The following CENPP variants were observed in gnomAD, a reference collection of about 807,000 sequenced individuals.
CENPP encodes the protein centromere protein P.
CENPP carries 24 observed loss-of-function variants against 35.6 expected under a neutral mutation model. The observed-to-expected ratio is 0.67, with a 90% CI of 0.49 to 0.95. The LOEUF (loss-of-function observed/expected upper bound fraction) is 0.95. Ranked by LOEUF, CENPP falls within the 40% of genes least tolerant of loss-of-function variation. CENPP has a pLI of 0.00. For missense variants in CENPP, 332 were observed against 345.3 expected (o/e 0.96, Z 0.31); for synonymous variants, 120 against 125.5 (o/e 0.96, Z 0.29).
At chr9:92,389,880 T>C in intron 5 of CENPP, 1 of 1,612,394 alleles carries the variant, frequency 6.2e-7, no homozygotes, top group Non-Finnish European at 8.5e-7. Flanking sequence ...TTGATTCCCC[T>C]ACTCTTGATT....
chr9:92,489,555 A>G (rs1009663218), intron 5 of CENPP, among the ~76,000 whole-genome samples: 4 of 152,194 alleles, frequency 2.6e-5, no homozygotes, highest in Non-Finnish European at 4.4e-5. Context: ...TAGGTATTAT[A>G]AGTAATCACA....
At chr9:92,441,158 GTTAC>G (rs778613815) in intron 5 of CENPP, among the ~76,000 whole-genome samples, 8 of 152,170 alleles carry the variant, frequency 5.3e-5, no homozygotes, top group South Asian at 2.1e-4. Flanking sequence ...ACTTTTGGAT[GTTAC>G]TTACATGGTA....
In CENPP at chr9:92,616,406, G is replaced by A. The variant is rs776176754; in HGVS notation, c.*3257G>A. 3.9e-5 allele frequency: 8 copies of A among 205,284 alleles called. No homozygotes were observed. The highest frequency in any genetic ancestry group is 1.6e-4 in the Admixed American group (3 of 18,682). 12.7% of individuals were successfully genotyped at this position (205,284 alleles called of 1,614,324 possible). On this transcript the variant is annotated 3_prime_UTR_variant, in exon 8 of 8. Transcript: ENST00000375587. ...AAGTAATTATGTGGAACATGTGAGC[G>A]ATGTTCCCCCAGCCCAGTGGTATAA... is the stretch of plus-strand genomic sequence containing the variant.
intron 5 of CENPP, among the ~76,000 whole-genome samples, chr9:92,567,650 A>G (rs1388293153): frequency 2.6e-5 from 4 of 152,106 alleles, no homozygotes; most frequent in African/African-American, 7.2e-5. Flanking sequence ...TTAAGAAACT[A>G]ATGTATTTCA....
chr9:92,325,851 G>A, upstream of CENPP: 1 of 600,754 alleles, frequency 1.7e-6, no homozygotes, highest in South Asian at 2.0e-5. Flanking sequence ...CAGGGCCGCT[G>A]GGGTCACGCG....
intron 5 of CENPP, chr9:92,496,485 TA>T (rs781707571): frequency 6.2e-7 from 1 of 1,606,770 alleles, no homozygotes; most frequent in Non-Finnish European, 8.5e-7. Flanking sequence ...AGAATGTTCC[TA>T]AGGAAAAATA....
chr9:92,552,057 TATATGTGATATGATAGATCTATC>T (rs1849616842), intron 5 of CENPP, among the ~76,000 whole-genome samples: 2 of 135,214 alleles, frequency 1.5e-5, no homozygotes, highest in African/African-American at 6.1e-5. Context: ...AGGTCTATCA[TATATGTGATATGATAGATCTATC>T]ATATATGTGA....
chr9:92,601,677 A>G (rs559072901), intron 5 of CENPP, among the ~76,000 whole-genome samples: 2 of 152,306 alleles, frequency 1.3e-5, no homozygotes, highest in East Asian at 3.9e-4. Context: ...GTGCCCACAG[A>G]GGAGTGGGCT....
intron 5 of CENPP, among the ~76,000 whole-genome samples, chr9:92,443,958 C>T (rs2398751): frequency 0.42 from 63,277 of 151,914 alleles, 15,770 homozygotes; most frequent in East Asian, 0.8. Flanking sequence ...CCACTGTGCC[C>T]GGCCACAAAA....
chr9:92,429,773 A>G (rs918000239), intron 5 of CENPP, among the ~76,000 whole-genome samples: 3 of 148,694 alleles, frequency 2.0e-5, no homozygotes, highest in Non-Finnish European at 4.4e-5. Context: ...GGTGACAAGA[A>G]CGAAACTCCG....
chr9:92,432,433 C>T (rs1312042389), intron 5 of CENPP, among the ~76,000 whole-genome samples: 1 of 152,126 alleles, frequency 6.6e-6, no homozygotes, highest in African/African-American at 2.4e-5. Flanking sequence ...AGTATCTAGA[C>T]AGCTGGACTA....
intron 5 of CENPP, among the ~76,000 whole-genome samples, chr9:92,604,770 T>G (rs761981709): frequency 6.6e-6 from 1 of 152,000 alleles, no homozygotes; most frequent in East Asian, 1.9e-4. Flanking sequence ...AATTTTTGTA[T>G]TATTAGTAGA....
intron 5 of CENPP, among the ~76,000 whole-genome samples, chr9:92,468,639 A>G (rs1845401067): frequency 6.6e-6 from 1 of 152,246 alleles, no homozygotes; most frequent in Admixed American, 6.5e-5. Flanking sequence ...CAGGTACCAT[A>G]TAAGGTGATA....
At chr9:92,415,229 C>G in intron 5 of CENPP, 1 of 1,613,804 alleles carries the variant, frequency 6.2e-7, no homozygotes, top group Non-Finnish European at 8.5e-7. Flanking sequence ...TGAGCATTGT[C>G]AGGATCATCG....
rs191684842 is a variant in CENPP at position 92,391,762 on chromosome 9, A to G, written c.564+11903A>G. The stretch of plus-strand genomic sequence containing the variant: ...ACAGTGTTACCTTGTTCAACCTCAG[A>G]TGGGAATGTGCATGTCAAGTAATTC... On this transcript the variant is annotated intron_variant, in intron 5 of 7. Coordinates refer to ENST00000375587, the MANE Select transcript of CENPP (RefSeq NM_001012267.3). Among the ~76,000 whole-genome samples, 88 of 152,338 alleles carry G rather than the reference A, an allele frequency of 5.8e-4. 1 individual carries two copies. In the East Asian group the frequency reaches 0.017, roughly 29 times the overall value.
intron 5 of CENPP, among the ~76,000 whole-genome samples, chr9:92,386,939 T>G (rs868855957): frequency 6.6e-6 from 1 of 150,746 alleles, no homozygotes; most frequent in South Asian, 2.1e-4. Context: ...TCCCAGCTAC[T>G]CGGGAGGCTG....
rs139219434 is a variant in CENPP, at chr9:92,389,690, G to A, written c.564+9831G>A. On this transcript the variant is annotated intron_variant, in intron 5 of 7. Transcript: ENST00000375587. Reference sequence around the variant, plus strand: ...CTGAGATATGGGTATAAGCTAGGCTGAATGAGCCTAATAGGATGGTTATTT... The same window carrying A: ...CTGAGATATGGGTATAAGCTAGGCTAAATGAGCCTAATAGGATGGTTATTT... 5.4e-6 allele frequency: 3 copies of A among 551,890 alleles called. No homozygotes were observed. The South Asian group carries it at 8.1e-5, about 15-fold the overall frequency. The allele number at this position is 551,890 out of a possible 1,614,324, so 34.2% of individuals were successfully genotyped here. A position where few individuals can be genotyped will look rare whatever the true frequency, so the allele number is the denominator to read the frequency against.
intron 4 of CENPP, among the ~76,000 whole-genome samples, chr9:92,375,976 A>C (rs1842117268): frequency 6.6e-6 from 1 of 152,060 alleles, no homozygotes; most frequent in Admixed American, 6.6e-5. Context: ...GGAAAAAAAT[A>C]AGAAAAAAAG....
Position 92,372,099 on chromosome 9 carries a change from C to CTTTTTTTTTT in CENPP, c.468-7641_468-7632dup, listed in dbSNP as rs71362382. ...AGGTGTAAGCCACCATGCCAGCCAT[C>CTTTTTTTTTT]TTTTTTTTTTTTTTTTTTTTTTTTT... On this transcript the variant is annotated intron_variant, in intron 4 of 7. Coordinates refer to ENST00000375587, the MANE Select transcript of CENPP (RefSeq NM_001012267.3). Among the ~76,000 whole-genome samples, 15 of 30,686 alleles carry CTTTTTTTTTT rather than the reference C, an allele frequency of 4.9e-4. 1 individual carries two copies. The highest frequency in any genetic ancestry group is 1.6e-3 in the East Asian group (1 of 644). The allele number at this position is 30,686 out of a possible 152,430, so 20.1% of individuals were successfully genotyped here. A position where few individuals can be genotyped will look rare whatever the true frequency, so the allele number is the denominator to read the frequency against.
Sources: allele counts gnomAD v4.1 joint callset (sites outside exome capture counted in the v4.1 genomes callset), GRCh38; gene constraint gnomAD v4.1.1; transcripts MANE v1.5; gene names NCBI Gene and HGNC (gene_info 2026-07-23, HGNC 2026-07-21).